Variants in PRELID3A observed in about 807,000 individuals in gnomAD.
The protein encoded by PRELID3A is PRELI domain containing 3A, also known as PRELI domain containing protein 3A.
Under a neutral mutation model 23.0 loss-of-function variants are expected in PRELID3A, and 27 were observed. The ratio of observed to expected loss-of-function variants is 1.17; its 90% CI spans 0.87 to 1.62. The LOEUF (loss-of-function observed/expected upper bound fraction) is 1.62, where lower values mean the gene tolerates loss of function less well. Ranked by LOEUF, PRELID3A falls within the 40% of genes most tolerant of loss-of-function variation. PRELID3A has a pLI of 0.00. For missense variants in PRELID3A, 231 were observed against 231.4 expected, an observed-to-expected ratio of 1.00 and a Z score of 0.01; for synonymous variants, 87 against 86.4, an observed-to-expected ratio of 1.01 and a Z score of -0.04.
intron 1 of PRELID3A, among the ~76,000 whole-genome samples, chr18:12,408,469 CA>C (rs1909800194): frequency 6.6e-6 from 1 of 152,184 alleles, no homozygotes; most frequent in Non-Finnish European, 1.5e-5. Flanking sequence ...ACGGAGGGCC[CA>C]CGGCGGGCTG....
At chr18:12,426,364 C>G (rs577798499) in intron 3 of PRELID3A, among the ~76,000 whole-genome samples, 1 of 150,670 alleles carries the variant, frequency 6.6e-6, no homozygotes, top group East Asian at 2.0e-4. Context: ...ACCATCCTGG[C>G]TAACACGGTG....
At chr18:12,429,156 G>A (rs2030476566) in intron 5 of PRELID3A, among the ~76,000 whole-genome samples, 194 bp from the exon 6 acceptor site, 1 of 152,172 alleles carries the variant, frequency 6.6e-6, no homozygotes, top group Non-Finnish European at 1.5e-5. Context: ...GTGACTCTTA[G>A]GCACTGTTTT....
chr18:12,424,263 A>G (rs771960004), intron 3 of PRELID3A, among the ~76,000 whole-genome samples: 3 of 152,242 alleles, frequency 2.0e-5, no homozygotes, highest in East Asian at 1.9e-4. Context: ...GGAGCAGTTT[A>G]TGCTCCAGTG....
At chr18:12,426,929 T>G in intron 3 of PRELID3A, 112 bp from the exon 4 acceptor site, 2 of 719,718 alleles carry the variant, frequency 2.8e-6, no homozygotes, top group South Asian at 3.3e-5. Context: ...GCCTAAAAGT[T>G]TCTTCTGTTC....
At chr18:12,420,603 C>T (rs1009656862) in intron 2 of PRELID3A, 110 bp downstream of exon 2, 7 of 1,221,282 alleles carry the variant, frequency 5.7e-6, no homozygotes, top group Non-Finnish European at 7.5e-6. Context: ...GCTTTGGCTG[C>T]CATCGGGGTG....
At chr18:12,428,057 G>A (rs1411959003) in intron 5 of PRELID3A, among the ~76,000 whole-genome samples, 2 of 152,222 alleles carry the variant, frequency 1.3e-5, no homozygotes, top group Non-Finnish European at 2.9e-5. Context: ...TGGGCATTAA[G>A]TGGCTTTGGC....
At chr18:12,421,507 G>A (rs1568163689) in intron 2 of PRELID3A, 33 bp from the exon 3 acceptor site, 3 of 1,335,328 alleles carry the variant, frequency 2.2e-6, no homozygotes, top group Middle Eastern at 1.8e-4. Context: ...AATTTTTAAC[G>A]TTCCACTATG....
intron 1 of PRELID3A, 159 bp from the exon 2 acceptor site, chr18:12,420,166 G>A (rs1483372268): frequency 4.2e-6 from 6 of 1,429,076 alleles, no homozygotes; most frequent in Non-Finnish European, 4.6e-6. Context: ...GCCGGCGGCC[G>A]GGGAGGGCTC....
chr18:12,429,493 G>T, intron 6 of PRELID3A, 57 bp downstream of exon 6: 1 of 1,181,638 alleles, frequency 8.5e-7, no homozygotes, highest in Non-Finnish European at 1.3e-6. Context: ...TGACCCGTGT[G>T]CATGGTGCAC....
At chr18:12,430,733 GTGTA>G (rs1211489848) in intron 6 of PRELID3A, among the ~76,000 whole-genome samples, 4 of 143,212 alleles carry the variant, frequency 2.8e-5, no homozygotes, top group Admixed American at 2.8e-4. Context: ...TCTGTGTAAT[GTGTA>G]TGTGTGTGGT....
chr18:12,410,548 C>G (rs1909873933), intron 1 of PRELID3A, among the ~76,000 whole-genome samples: 1 of 152,148 alleles, frequency 6.6e-6, no homozygotes, highest in Non-Finnish European at 1.5e-5. Flanking sequence ...CCTGGCTGGA[C>G]TTACTGTGTA....
At chr18:12,419,992 A>T in intron 1 of PRELID3A, 1 of 444,076 alleles carries the variant, frequency 2.3e-6, no homozygotes, top group African/African-American at 2.0e-5. Context: ...GAGGTGGGGC[A>T]AGAGGAGGCT....
chr18:12,423,761 C>G (rs2030269395), intron 3 of PRELID3A, among the ~76,000 whole-genome samples: 1 of 152,156 alleles, frequency 6.6e-6, no homozygotes, highest in African/African-American at 2.4e-5. Flanking sequence ...GCGCAAGTAC[C>G]CGAACCGGTA....
intron 3 of PRELID3A, among the ~76,000 whole-genome samples, chr18:12,424,196 A>G (rs2030284192): frequency 6.6e-6 from 1 of 152,190 alleles, no homozygotes; most frequent in South Asian, 2.1e-4. Flanking sequence ...CCCAAAACCA[A>G]TATTTACTTA....
At chr18:12,426,233 G>A (rs192804545) in intron 3 of PRELID3A, among the ~76,000 whole-genome samples, 2 of 151,328 alleles carry the variant, frequency 1.3e-5, no homozygotes, top group African/African-American at 4.9e-5. Flanking sequence ...GCGAGACTCT[G>A]TCTCAAAAAA....
At chr18:12,416,311 G>A (rs928613696) in intron 1 of PRELID3A, among the ~76,000 whole-genome samples, 2 of 152,112 alleles carry the variant, frequency 1.3e-5, no homozygotes, top group African/African-American at 4.8e-5. Flanking sequence ...TGTTGTTGTT[G>A]TTGTTGTTTG....
rs562964007 is a variant in PRELID3A, at chr18:12,422,197, C to CTT, written c.291+585_291+586dup. The CTT allele has an allele frequency of 2.5e-3, 326 of 131,064 alleles. 6 individuals are homozygous for CTT. The highest frequency in any genetic ancestry group is 2.9e-3 in the Admixed American group (36 of 12,326). The allele number at this position is 131,064 out of a possible 1,614,324, so 8.1% of individuals were successfully genotyped here. ...GTCTCAAGTGATGCCTTTCAACGTG[C>CTT]TTTTTTTTTTTTTTTTTTAATTTTT... is the stretch of plus-strand genomic sequence containing the variant. On this transcript the variant is annotated intron_variant, in intron 3 of 6. Transcript: ENST00000440960.
In PRELID3A at chr18:12,425,504, C is replaced by T. The variant is rs544045381; in HGVS notation, c.292-1537C>T. 2.2e-3 allele frequency among the ~76,000 whole-genome samples: 333 copies of T among 148,848 alleles called. 2 individuals carry two copies. The highest frequency in any genetic ancestry group is 8.8e-3 in the South Asian group (41 of 4,662). On this transcript the variant is annotated intron_variant, in intron 3 of 6. Transcript: ENST00000440960. ...AAAATTAGCCAGGCATGGTGGCGGG[C>T]GCCTGTAGTCCCAGCTACTGGGGAG...
At chr18:12,414,880 G>T (rs1010870798) in intron 1 of PRELID3A, among the ~76,000 whole-genome samples, 5 of 152,188 alleles carry the variant, frequency 3.3e-5, no homozygotes, top group African/African-American at 9.6e-5. Context: ...GGGTCACTTG[G>T]TGGTGGGGTA....
Sources: allele counts gnomAD v4.1 joint callset (sites outside exome capture counted in the v4.1 genomes callset), GRCh38; gene constraint gnomAD v4.1.1; transcripts MANE v1.5; gene names NCBI Gene and HGNC (gene_info 2026-07-23, HGNC 2026-07-21).